The following PHC1 variants were observed in gnomAD, a reference collection of about 807,000 sequenced individuals.
PHC1 encodes polyhomeotic-like protein 1.
In PHC1, 12 loss-of-function variants were observed where a neutral mutation model predicts 104.3. That is an observed-to-expected ratio of 0.12 (90% CI 0.07 to 0.19). The LOEUF (loss-of-function observed/expected upper bound fraction) is 0.19, where lower values mean the gene tolerates loss of function less well. Among genes scored for constraint, PHC1 ranks in the 10% least tolerant of loss-of-function variants. The pLI is 1.00. For missense variants in PHC1, 671 were observed against 1,200.0 expected, an observed-to-expected ratio of 0.56 and a Z score of 6.51; for synonymous variants, 302 against 455.8, an observed-to-expected ratio of 0.66 and a Z score of 4.30.
chr12:8,936,790 G>A, intron 11 of PHC1, 66 bp from the exon 12 acceptor site: 1 of 988,280 alleles, frequency 1.0e-6, no homozygotes, highest in Non-Finnish European at 1.6e-6. Context: ...CCAGCTCTGA[G>A]CCTAATGATT....
At chr12:8,935,003 A>G in intron 10 of PHC1, 121 bp from the exon 11 acceptor site, 1 of 593,852 alleles carries the variant, frequency 1.7e-6, no homozygotes, top group East Asian at 2.9e-5. Flanking sequence ...TCTCTGAACC[A>G]GACTTGGTCA....
intron 6 of PHC1, among the ~76,000 whole-genome samples, chr12:8,927,913 C>CTTTCTTTCT (rs1555128000): frequency 0.019 from 667 of 35,694 alleles, 2 homozygotes; most frequent in African/African-American, 0.02. Flanking sequence ...TTCTTTCTTT[C>CTTTCTTTCT]TTTTTTTTTT....
intron 6 of PHC1, 26 bp from the exon 7 acceptor site, chr12:8,930,409 T>G: frequency 1.9e-6 from 3 of 1,597,984 alleles, no homozygotes; most frequent in Non-Finnish European, 2.6e-6. Flanking sequence ...CCTCCTTTTC[T>G]CAATCTGTTT....
intron 3 of PHC1, among the ~76,000 whole-genome samples, chr12:8,920,669 C>A (rs1457412246): frequency 6.6e-6 from 1 of 152,200 alleles, no homozygotes; most frequent in Non-Finnish European, 1.5e-5. Flanking sequence ...GATCATGCCA[C>A]TGCACTCCAG....
At chr12:8,923,369 A>G (rs1945419144) in intron 6 of PHC1, among the ~76,000 whole-genome samples, 4 of 152,198 alleles carry the variant, frequency 2.6e-5, no homozygotes, top group Admixed American at 6.5e-5. Flanking sequence ...ACAACCTAGG[A>G]TCTTACGATA....
chr12:8,938,154 A>G, intron 14 of PHC1, 94 bp downstream of exon 14: 1 of 807,114 alleles, frequency 1.2e-6, no homozygotes, highest in Non-Finnish European at 2.1e-6. Context: ...ACTTTTAAGC[A>G]GTAGGAGCTT....
Position 8,919,646 on chromosome 12 carries a change from C to T in PHC1, c.115-110C>T. ...GACGATTTAGCCCAAACTCCCATCT[C>T]CTCTGGTTTCTGTCCTTCCCATGGC... is the stretch of plus-strand genomic sequence containing the variant. On this transcript the variant is annotated intron_variant, in intron 2 of 14. Coordinates refer to ENST00000544916, the MANE Select transcript of PHC1 (RefSeq NM_004426.3). The surrounding 1 kb of genome is among the most constrained non-coding windows in gnomAD (Gnocchi z 4.9). The T allele has an allele frequency of 9.0e-7, 1 of 1,109,734 alleles. No individual in the cohort carries two copies. Among genetic ancestry groups the T allele is most frequent in the Non-Finnish European group, 1.3e-6 (1 of 770,846 alleles). 68.7% of individuals were successfully genotyped at this position (1,109,734 alleles called of 1,614,324 possible). A position where few individuals can be genotyped will look rare whatever the true frequency, so the allele number is the denominator to read the frequency against.
chr12:8,927,909 CTTTCTTTT>C (rs1285035442), intron 6 of PHC1, among the ~76,000 whole-genome samples: 142 of 68,970 alleles, frequency 2.1e-3, no homozygotes, highest in Non-Finnish European at 3.2e-3. Context: ...TTCTTTCTTT[CTTTCTTTT>C]TTTTTTTTTT....
intron 6 of PHC1, among the ~76,000 whole-genome samples, chr12:8,928,459 T>C (rs924053227): frequency 6.6e-6 from 1 of 152,228 alleles, no homozygotes; most frequent in Admixed American, 6.5e-5. Flanking sequence ...TTTTTAATAA[T>C]GTAATAAGCA....
intron 6 of PHC1, among the ~76,000 whole-genome samples, chr12:8,924,149 G>A (rs1427329794): frequency 6.6e-6 from 1 of 152,140 alleles, no homozygotes; most frequent in Non-Finnish European, 1.5e-5. Context: ...AAAAATAAAT[G>A]TGAGTCAGGT....
rs1276128165 is a variant in PHC1, at chr12:8,937,212, G to C, written c.2514G>C (p.Lys838Asn). Residue 838 changes from lysine to asparagine, a missense_variant, in exon 13 of 15, where the codon AAG (lysine) becomes AAC (asparagine). Coordinates refer to ENST00000544916, the MANE Select transcript of PHC1 (RefSeq NM_004426.3). ...GCTGTAGCCATCAGTTCCGGCTGAA[G>C]AGGAAAAAAATGAAAGAGTTTCAAG... ...NVSCSHQFRL[K>N]RKKMKEFQEA... 6.2e-7 allele frequency: 1 copy of C among 1,613,156 alleles called. No homozygotes were observed. The highest frequency in any genetic ancestry group is 8.5e-7 in the Non-Finnish European group (1 of 1,179,618).
intron 14 of PHC1, among the ~76,000 whole-genome samples, chr12:8,938,952 A>T (rs772378068): frequency 1.3e-5 from 2 of 152,186 alleles, no homozygotes; most frequent in East Asian, 3.9e-4. Context: ...CAGCTTCCCG[A>T]GTAGCTGGGA....
Position 8,934,004 on chromosome 12 carries a change from G to A in PHC1, c.2033G>A (p.Ser678Asn). ...CCAAAAGTCATGGACGAGAAGAGCA[G>A]TCTTGGAGGTGAGTAACTGACTTCT... ...ESPKVMDEKS[S>N]LGEKAESVAN... Residue 678 changes from serine to asparagine, a missense_variant, in exon 9 of 15, where the codon AGT (serine) becomes AAT (asparagine). Around this residue, in one of 9 missense-constraint regions of PHC1, gnomAD observed 95 missense variants for 108.8 expected, o/e 0.87. Coordinates refer to ENST00000544916, the MANE Select transcript of PHC1 (RefSeq NM_004426.3). 4 of 1,614,158 alleles carry A rather than the reference G, an allele frequency of 2.5e-6. No homozygotes were observed. Among genetic ancestry groups the A allele is most frequent in the Non-Finnish European group, 3.4e-6 (4 of 1,179,964 alleles).
At chr12:8,931,045 T>G in intron 7 of PHC1, 118 bp downstream of exon 7, 6 of 1,023,576 alleles carry the variant, frequency 5.9e-6, no homozygotes, top group Non-Finnish European at 8.4e-6. Context: ...TGTTGGTCCT[T>G]GAATAGTGGA....
intron 8 of PHC1, 71 bp downstream of exon 8, chr12:8,933,421 G>C: frequency 6.9e-7 from 1 of 1,445,602 alleles, no homozygotes; most frequent in Non-Finnish European, 9.2e-7. Context: ...TGGAAATAGA[G>C]CTTAATTGAA....
chr12:8,934,532 T>A, intron 10 of PHC1, 54 bp downstream of exon 10: 1 of 1,345,896 alleles, frequency 7.4e-7, no homozygotes, highest in Non-Finnish European at 1.0e-6. Context: ...GTCTGATTGT[T>A]GTCTTTTCAA....
At position 8,927,911 on chromosome 12, in the gene PHC1, TTC is replaced by T. The variant is rs1173015682; in HGVS notation, c.613-2522_613-2521del. Among the ~76,000 whole-genome samples, 46 of 87,086 alleles carry T rather than the reference TTC, an allele frequency of 5.3e-4. 1 individual carries two copies. The highest frequency in any genetic ancestry group is 2.0e-3 in the African/African-American group (34 of 17,124). 57.1% of individuals were successfully genotyped at this position (87,086 alleles called of 152,430 possible). A position where few individuals can be genotyped will look rare whatever the true frequency, so the allele number is the denominator to read the frequency against. ...TTTCTTTCTTTCTTTCTTTCTTTCT[TTC>T]TTTTTTTTTTTTTTTGAGACAGAGT... is the stretch of plus-strand genomic sequence containing the variant. On this transcript the variant is annotated intron_variant, in intron 6 of 14. Transcript: ENST00000544916.
chr12:8,929,307 T>C lies in PHC1; in HGVS notation c.613-1128T>C, dbSNP rs367773548. Among the ~76,000 whole-genome samples the C allele has an allele frequency of 5.3e-5, 8 of 152,292 alleles. No homozygotes were observed. The East Asian group carries it at 1.4e-3, about 26-fold the overall frequency. ...GCAATATAACAATGAATAAGACAGATAAACTTGCTGTTCCCAAACTAAAGT... is the reference window on the plus strand; with the variant it reads ...GCAATATAACAATGAATAAGACAGACAAACTTGCTGTTCCCAAACTAAAGT... On this transcript the variant is annotated intron_variant, in intron 6 of 14. Transcript: ENST00000544916.
At chr12:8,915,604 G>C (rs1047166362) in intron 1 of PHC1, among the ~76,000 whole-genome samples, 3 of 152,068 alleles carry the variant, frequency 2.0e-5, no homozygotes, top group African/African-American at 7.2e-5. Flanking sequence ...AGCTACTCTG[G>C]GGGCATCTGT....
Sources: gnomAD v4.1 joint callset for allele counts (sites outside exome capture counted in the v4.1 genomes callset) on GRCh38, gnomAD v4.1.1 for gene constraint, gnomAD v4.1.1 regional missense constraint, Gnocchi (gnomAD v3.1) non-coding constraint, MANE v1.5 for transcripts, NCBI Gene and HGNC (gene_info 2026-07-23, HGNC 2026-07-21) for gene names.